Variants in HHAT observed in about 807,000 individuals in gnomAD.
The protein encoded by HHAT is hedgehog acyltransferase.
HHAT carries 47 observed loss-of-function variants against 70.8 expected under a neutral mutation model. That is an observed-to-expected ratio of 0.66 (90% CI 0.53 to 0.85). The LOEUF (loss-of-function observed/expected upper bound fraction) is 0.85. Ranked by LOEUF, HHAT falls within the 40% of genes least tolerant of loss-of-function variation. HHAT has a pLI of 0.00. For missense variants in HHAT, 609 were observed against 604.8 expected (o/e 1.01, Z -0.07); for synonymous variants, 228 against 247.6 (o/e 0.92, Z 0.74).
intron 11 of HHAT, among the ~76,000 whole-genome samples, chr1:210,629,935 G>A (rs1051872799): frequency 3.6e-4 from 54 of 151,010 alleles, no homozygotes; most frequent in African/African-American, 1.1e-3. Context: ...CTCCGCCTCC[G>A]GGGTTCAAGG....
intron 9 of HHAT, among the ~76,000 whole-genome samples, chr1:210,562,589 T>G (rs2095633290): frequency 6.6e-6 from 1 of 152,170 alleles, no homozygotes; most frequent in Admixed American, 6.5e-5. Context: ...CCAGGCATGT[T>G]TTGAGCTCTT....
Position 210,404,468 on chromosome 1 carries a change from G to A in HHAT, c.473G>A (p.Arg158Lys). ...RLQGVEEVKR[R>K]WYKTENEYYL... ...TCTCTCCTTTTGATTTTGTAGAGAA[G>A]GTGGTACAAGACAGAAAACGAGTAC... The change falls in exon 6 of 12, where the codon AGG becomes AAG. Residue 158 changes from arginine (R) to lysine (K), a missense_variant. Transcript: ENST00000261458. 1.9e-6 allele frequency: 3 copies of A among 1,610,920 alleles called. No homozygotes were observed. The highest frequency in any genetic ancestry group is 2.5e-6 in the Non-Finnish European group (3 of 1,178,684).
chr1:210,329,291 C>T (rs2084774025), intron 1 of HHAT, 187 bp downstream of exon 1: 1 of 1,226,214 alleles, frequency 8.2e-7, no homozygotes, highest in Non-Finnish European at 1.0e-6. Flanking sequence ...CGGCGGGGGC[C>T]GCGCGCGCAG....
At chr1:210,349,133 G>T in intron 2 of HHAT, 67 bp downstream of exon 2, 1 of 1,522,186 alleles carries the variant, frequency 6.6e-7, no homozygotes, top group East Asian at 2.3e-5. Flanking sequence ...AGGAGCAGAG[G>T]TGGAAGATTC....
At chr1:210,374,196 T>C (rs572559167) in intron 3 of HHAT, 20 of 152,350 alleles carry the variant, frequency 1.3e-4, no homozygotes, top group Non-Finnish European at 2.5e-4. Flanking sequence ...AGCTTATAAC[T>C]GATTTGTTTC....
intron 9 of HHAT, among the ~76,000 whole-genome samples, chr1:210,553,111 AG>A (rs556867678): frequency 1.3e-3 from 196 of 152,252 alleles, no homozygotes; most frequent in African/African-American, 4.6e-3. Context: ...TTCCAACCCA[AG>A]GGCCTTTAAG....
intron 11 of HHAT, among the ~76,000 whole-genome samples, chr1:210,624,743 A>G (rs773161785): frequency 5.3e-5 from 8 of 152,230 alleles, no homozygotes; most frequent in Non-Finnish European, 1.0e-4. Context: ...ACTGAGTTAC[A>G]TCATATCTAT....
intron 11 of HHAT, among the ~76,000 whole-genome samples, chr1:210,672,292 A>T (rs1050771862): frequency 6.6e-6 from 1 of 152,190 alleles, no homozygotes; most frequent in African/African-American, 2.4e-5. Context: ...TAACAAGAAG[A>T]GAACCTGTAA....
At chr1:210,602,266 A>G (rs1664451873) in intron 10 of HHAT, among the ~76,000 whole-genome samples, 2 of 152,170 alleles carry the variant, frequency 1.3e-5, no homozygotes, top group Admixed American at 6.5e-5. Context: ...AGATGTGCAC[A>G]GACCAGTTGA....
intron 9 of HHAT, among the ~76,000 whole-genome samples, chr1:210,572,711 TAGTG>T (rs1656620900): frequency 6.6e-6 from 1 of 151,814 alleles, no homozygotes; most frequent in Non-Finnish European, 1.5e-5. Context: ...CTGGGCAACA[TAGTG>T]AGACCTGGTC....
intron 8 of HHAT, among the ~76,000 whole-genome samples, chr1:210,479,939 C>T (rs1045531830): frequency 6.6e-6 from 1 of 152,126 alleles, no homozygotes; most frequent in African/African-American, 2.4e-5. Context: ...GTTCTGTCAC[C>T]TCGGTCAAGG....
intron 11 of HHAT, among the ~76,000 whole-genome samples, chr1:210,633,089 C>A (rs1450277402): frequency 1.3e-5 from 2 of 152,170 alleles, no homozygotes; most frequent in Non-Finnish European, 2.9e-5. Flanking sequence ...TCTAAGCCAC[C>A]TGGTTGGTAG....
chr1:210,361,394 C>T (rs983023874), intron 2 of HHAT, among the ~76,000 whole-genome samples: 1 of 152,330 alleles, frequency 6.6e-6, no homozygotes, highest in African/African-American at 2.4e-5. Flanking sequence ...CTACTGCAAT[C>T]ACACACCTCC....
At chr1:210,673,443 C>T (rs1680503579) in intron 11 of HHAT, among the ~76,000 whole-genome samples, 1 of 151,906 alleles carries the variant, frequency 6.6e-6, no homozygotes, top group African/African-American at 2.4e-5. Flanking sequence ...GGAAACGTAC[C>T]CTGATTTCAA....
chr1:210,549,223 A>G (rs2148678616), intron 9 of HHAT, among the ~76,000 whole-genome samples: 1 of 149,622 alleles, frequency 6.7e-6, no homozygotes, highest in South Asian at 2.1e-4. Context: ...GTTATTTGTA[A>G]TTGTTTTTAT....
upstream of HHAT, among the ~76,000 whole-genome samples, chr1:210,327,906 G>T (rs1435702916): frequency 6.6e-6 from 1 of 152,178 alleles, no homozygotes; most frequent in Non-Finnish European, 1.5e-5. Context: ...ACACCATCCA[G>T]TACCAGGTTT....
At chr1:210,489,720 A>G (rs536409388) in intron 8 of HHAT, among the ~76,000 whole-genome samples, 1 of 152,342 alleles carries the variant, frequency 6.6e-6, no homozygotes, top group African/African-American at 2.4e-5. Context: ...GGCTTCCTAC[A>G]TGCTGACCAT....
intron 11 of HHAT, among the ~76,000 whole-genome samples, chr1:210,674,012 G>C (rs866153464): frequency 2.7e-5 from 4 of 149,734 alleles, no homozygotes; most frequent in South Asian, 2.1e-4. Flanking sequence ...ACATTGTGCA[G>C]GTTAGTTACA....
intron 9 of HHAT, among the ~76,000 whole-genome samples, chr1:210,531,062 C>G (rs1392815971): frequency 6.6e-6 from 1 of 152,208 alleles, no homozygotes; most frequent in African/African-American, 2.4e-5. Context: ...GCCTACTGCA[C>G]ACATAGGCTT....
Sources: allele counts gnomAD v4.1 joint callset (sites outside exome capture counted in the v4.1 genomes callset), GRCh38; gene constraint gnomAD v4.1.1; transcripts MANE v1.5; gene names NCBI Gene and HGNC (gene_info 2026-07-23, HGNC 2026-07-21).